ADARB2: variants seen among roughly 807,000 people sequenced by gnomAD.
ADARB2 encodes adenosine deaminase RNA specific B2 (inactive), also known as inactive double-stranded RNA-specific editase B2.
A neutral mutation model predicts 62.2 loss-of-function variants in ADARB2; 25 were observed. That is an observed-to-expected ratio of 0.40 (90% CI 0.29 to 0.56). The LOEUF is 0.56. Ranked by LOEUF, ADARB2 falls within the 20% of genes least tolerant of loss-of-function variation. The pLI, the probability that ADARB2 is intolerant of heterozygous loss-of-function variation, is 0.43. For synonymous variants in ADARB2, 572 were observed against 500.8 expected (o/e 1.14, Z -1.90); for missense variants, 1,071 against 1,077.4 (o/e 0.99, Z 0.08).
Position 1,363,771 on chromosome 10 carries a change from T to C in ADARB2, c.334A>G (p.Lys112Glu), listed in dbSNP as rs1213450624. Residue 112 changes from lysine to glutamate, a missense_variant, in exon 3 of 10, where the codon AAA becomes GAA. Coordinates refer to ENST00000381312, the MANE Select transcript of ADARB2 (RefSeq NM_018702.4). ...AGCTTCTTCCAGACCAGCTGCAGTTTGCACAAGTGGCCCCCATTCCCCTCC... is the reference window on the plus strand; with the variant it reads ...AGCTTCTTCCAGACCAGCTGCAGTTCGCACAAGTGGCCCCCATTCCCCTCC... ...LEEGNGGHLC[K>E]LQLVWKKLSW... 1 of 1,603,300 alleles carries C rather than the reference T, an allele frequency of 6.2e-7. No individual in the cohort carries two copies.
chr10:1,336,671 G>T lies in ADARB2; in HGVS notation c.1077+26357C>A, dbSNP rs544714433. Among the ~76,000 whole-genome samples the T allele has an allele frequency of 7.9e-5, 12 of 152,322 alleles. No individual in the cohort carries two copies. In the East Asian group the frequency reaches 2.1e-3, roughly 27 times the overall value. On this transcript the variant is annotated intron_variant, in intron 3 of 9. Transcript: ENST00000381312. Reference sequence around the variant, plus strand: ...ATTATGAGGGGTTCCTCAAGGAATAGACATTTCCTAGAGCCTCCTCACCCT... The same window carrying T: ...ATTATGAGGGGTTCCTCAAGGAATATACATTTCCTAGAGCCTCCTCACCCT...
chr10:1,254,111 A>T (rs1450433390), intron 4 of ADARB2, among the ~76,000 whole-genome samples: 4 of 139,610 alleles, frequency 2.9e-5, no homozygotes, highest in African/African-American at 1.1e-4. Flanking sequence ...GATGCAGTTG[A>T]CTCTGGTTAG....
At chr10:1,261,920 A>T (rs1831141115) in intron 4 of ADARB2, among the ~76,000 whole-genome samples, 1 of 148,892 alleles carries the variant, frequency 6.7e-6, no homozygotes, top group Non-Finnish European at 1.5e-5. Flanking sequence ...AGACTGGATT[A>T]AGAAAATGTG....
At chr10:1,325,501 C>T (rs1350446844) in intron 3 of ADARB2, among the ~76,000 whole-genome samples, 1 of 152,196 alleles carries the variant, frequency 6.6e-6, no homozygotes, top group African/African-American at 2.4e-5. Flanking sequence ...ATGTAACTCA[C>T]TGCAAACAGT....
chr10:1,306,888 G>A (rs1375173137), intron 3 of ADARB2, among the ~76,000 whole-genome samples: 2 of 149,280 alleles, frequency 1.3e-5, no homozygotes, highest in Non-Finnish European at 3.0e-5. Context: ...TATGTAGAAA[G>A]CTGAAACTGG....
chr10:1,663,751 C>T (rs889488447), intron 1 of ADARB2, among the ~76,000 whole-genome samples: 14 of 152,182 alleles, frequency 9.2e-5, no homozygotes, highest in Middle Eastern at 6.8e-3. Flanking sequence ...TCCCAAGTAT[C>T]TGGGACTACA....
intron 1 of ADARB2, among the ~76,000 whole-genome samples, chr10:1,696,386 T>C (rs949696052): frequency 3.3e-5 from 5 of 151,626 alleles, no homozygotes; most frequent in African/African-American, 1.2e-4. Flanking sequence ...TGACAGATTT[T>C]ATATGGAAAT....
chr10:1,613,172 G>A (rs572118298), intron 1 of ADARB2, among the ~76,000 whole-genome samples: 1 of 152,306 alleles, frequency 6.6e-6, no homozygotes, highest in East Asian at 1.9e-4. Flanking sequence ...ATCTGTGGAA[G>A]GAGAAATGTA....
intron 1 of ADARB2, among the ~76,000 whole-genome samples, chr10:1,448,330 G>A (rs1037596934): frequency 2.0e-5 from 3 of 152,192 alleles, no homozygotes; most frequent in Non-Finnish European, 4.4e-5. Context: ...TAAATGTTAA[G>A]TGTCTACTCC....
intron 1 of ADARB2, among the ~76,000 whole-genome samples, chr10:1,578,392 A>T (rs1157706273): frequency 1.3e-5 from 2 of 152,222 alleles, no homozygotes. Context: ...TAAACAACTT[A>T]GTTTCATTTT....
intron 4 of ADARB2, among the ~76,000 whole-genome samples, chr10:1,268,276 G>T (rs1159695071): frequency 6.6e-6 from 1 of 152,032 alleles, no homozygotes; most frequent in Non-Finnish European, 1.5e-5. Context: ...GGGAGTGAGG[G>T]GTGGAGTGGG....
At chr10:1,506,780 G>C (rs1457947797) in intron 1 of ADARB2, among the ~76,000 whole-genome samples, 1 of 152,250 alleles carries the variant, frequency 6.6e-6, no homozygotes, top group Admixed American at 6.5e-5. Context: ...CAACCCCAAA[G>C]GGATGGCATT....
intron 3 of ADARB2, among the ~76,000 whole-genome samples, chr10:1,343,338 G>A (rs112718718): frequency 0.034 from 5,200 of 152,240 alleles, 131 homozygotes; most frequent in South Asian, 0.097. Context: ...CCGTCAGAAT[G>A]GCTAGTACTA....
chr10:1,282,421 T>G (rs1831378809), intron 3 of ADARB2, among the ~76,000 whole-genome samples: 1 of 152,226 alleles, frequency 6.6e-6, no homozygotes, highest in Non-Finnish European at 1.5e-5. Context: ...GGTTTTTAAT[T>G]AAATCACATA....
At chr10:1,567,972 A>T (rs780512556) in intron 1 of ADARB2, among the ~76,000 whole-genome samples, 6 of 152,192 alleles carry the variant, frequency 3.9e-5, no homozygotes, top group African/African-American at 1.4e-4. Flanking sequence ...GCATCACCCC[A>T]TCTGGAGCAG....
intron 1 of ADARB2, among the ~76,000 whole-genome samples, chr10:1,674,277 C>G (rs1159681729): frequency 6.6e-6 from 1 of 152,222 alleles, no homozygotes; most frequent in Non-Finnish European, 1.5e-5. Flanking sequence ...GCCCCCGCAG[C>G]CTCAAATTTA....
chr10:1,382,076 A>G (rs1056012140), intron 1 of ADARB2, among the ~76,000 whole-genome samples: 3 of 152,240 alleles, frequency 2.0e-5, no homozygotes, highest in Admixed American at 2.0e-4. Flanking sequence ...CAATGTATAT[A>G]TCAATTCATC....
chr10:1,285,792 T>C (rs1003501627), intron 3 of ADARB2, among the ~76,000 whole-genome samples: 2 of 152,156 alleles, frequency 1.3e-5, no homozygotes, highest in African/African-American at 2.4e-5. Flanking sequence ...CACTAATATT[T>C]TGAATGGCAT....
At chr10:1,272,161 A>G (rs1465562175) in intron 3 of ADARB2, among the ~76,000 whole-genome samples, 2 of 152,114 alleles carry the variant, frequency 1.3e-5, no homozygotes, top group Admixed American at 6.5e-5. Flanking sequence ...TGAGCAGCCA[A>G]ATCAATTCAT....
Sources: allele counts gnomAD v4.1 joint callset (sites outside exome capture counted in the v4.1 genomes callset), GRCh38; gene constraint gnomAD v4.1.1; transcripts MANE v1.5; gene names NCBI Gene and HGNC (gene_info 2026-07-23, HGNC 2026-07-21).